AFF2: variants seen among roughly 807,000 people sequenced by gnomAD.
AFF2 encodes the protein AF4/FMR2 family member 2.
AFF2 carries 14 observed loss-of-function variants against 76.9 expected under a neutral mutation model. The ratio of observed to expected loss-of-function variants is 0.18; its 90% CI spans 0.12 to 0.28. The LOEUF (loss-of-function observed/expected upper bound fraction) is 0.28. Ranked by LOEUF, AFF2 falls within the 10% of genes least tolerant of loss-of-function variation. AFF2 has a pLI of 1.00. For missense variants in AFF2, 868 were observed against 1,001.1 expected, an observed-to-expected ratio of 0.87 and a Z score of 1.79; for synonymous variants, 398 against 366.7, an observed-to-expected ratio of 1.09 and a Z score of -0.98.
intron 1 of AFF2, among the ~76,000 whole-genome samples, chrX:148,604,157 T>C (rs1557248490): frequency 1.8e-5 from 2 of 111,916 alleles, no homozygotes; most frequent in African/African-American, 6.5e-5. Flanking sequence ...ACTTTGCAAT[T>C]GTTTCTTGGA....
intron 9 of AFF2, among the ~76,000 whole-genome samples, chrX:148,908,558 G>A (rs1343381920): frequency 9.0e-5 from 10 of 111,688 alleles, no homozygotes; most frequent in African/African-American, 2.9e-4. Context: ...CTTTCTAGCT[G>A]TTCTTTTTCT....
intron 3 of AFF2, among the ~76,000 whole-genome samples, chrX:148,724,066 T>A (rs1414810636): frequency 2.7e-5 from 3 of 109,558 alleles, no homozygotes; most frequent in African/African-American, 1.0e-4. Context: ...GGTTGGCCAC[T>A]TCTTCCCATC....
chrX:148,503,388 G>A (rs2052374414), intron 1 of AFF2, among the ~76,000 whole-genome samples: 1 of 111,680 alleles, frequency 9.0e-6, no homozygotes, highest in South Asian at 3.8e-4. Flanking sequence ...CCATTCCTTG[G>A]GAGTAAATAG....
At chrX:148,594,265 T>G (rs2124377026) in intron 1 of AFF2, among the ~76,000 whole-genome samples, 1 of 111,638 alleles carries the variant, frequency 9.0e-6, no homozygotes, top group Non-Finnish European at 1.9e-5. Flanking sequence ...GGGTCTGGAA[T>G]CAATTCAGAA....
At chrX:148,638,721 G>A (rs782406525) in intron 1 of AFF2, among the ~76,000 whole-genome samples, 63 of 110,750 alleles carry the variant, frequency 5.7e-4, no homozygotes, top group Non-Finnish European at 9.5e-4. Context: ...GAGAGGGGAG[G>A]TGCCACACAC....
chrX:148,740,119 A>G (rs1406400805), intron 3 of AFF2, among the ~76,000 whole-genome samples: 3 of 111,663 alleles, frequency 2.7e-5, no homozygotes, highest in South Asian at 7.5e-4. Flanking sequence ...CCCAATGACA[A>G]TGTGCCTAGG....
At chrX:148,754,113 A>G (rs1427764172) in intron 3 of AFF2, among the ~76,000 whole-genome samples, 1 of 111,726 alleles carries the variant, frequency 9.0e-6, no homozygotes, top group African/African-American at 3.3e-5. Flanking sequence ...TAAGATTCCA[A>G]ATCACTGAAC....
chrX:148,693,646 C>T (rs1557260978), intron 3 of AFF2, among the ~76,000 whole-genome samples: 1 of 111,706 alleles, frequency 9.0e-6, no homozygotes, highest in Non-Finnish European at 1.9e-5. Context: ...CTGTTTCTGG[C>T]TCTGGCCTCC....
chrX:148,635,678 A>G (rs782063271), intron 1 of AFF2, among the ~76,000 whole-genome samples: 35 of 111,495 alleles, frequency 3.1e-4, no homozygotes, highest in Non-Finnish European at 4.9e-4. Flanking sequence ...GCCTGGATGA[A>G]AGGTGCAAGG....
chrX:148,850,170 G>A (rs1481933716), intron 7 of AFF2, among the ~76,000 whole-genome samples: 1 of 111,195 alleles, frequency 9.0e-6, no homozygotes, highest in Non-Finnish European at 1.9e-5. Flanking sequence ...ATTCATATAA[G>A]ATTGATTTTG....
chrX:148,717,564 G>A (rs1005213413), intron 3 of AFF2, among the ~76,000 whole-genome samples: 1 of 111,979 alleles, frequency 8.9e-6, no homozygotes, highest in Non-Finnish European at 1.9e-5. Context: ...TTTATGTCTT[G>A]TAGTTTTACC....
chrX:148,689,449 T>G (rs2054629792), intron 3 of AFF2, among the ~76,000 whole-genome samples: 1 of 110,409 alleles, frequency 9.1e-6, no homozygotes, highest in African/African-American at 3.3e-5. Context: ...AATAGAAATG[T>G]TTGGAGTGGG....
intron 7 of AFF2, among the ~76,000 whole-genome samples, chrX:148,844,892 A>G (rs782292901): frequency 2.7e-5 from 3 of 112,013 alleles, no homozygotes; most frequent in Non-Finnish European, 5.6e-5. Flanking sequence ...AGAAAAAACA[A>G]GAGAAGGGGA....
intron 1 of AFF2, among the ~76,000 whole-genome samples, chrX:148,642,686 C>T (rs2054102145): frequency 8.9e-6 from 1 of 111,881 alleles, no homozygotes; most frequent in Non-Finnish European, 1.9e-5. Context: ...GAGCAGAGGG[C>T]CAAGCTAAGC....
intron 1 of AFF2, among the ~76,000 whole-genome samples, chrX:148,581,309 CGTAT>C (rs1569551634): frequency 1.7e-5 from 1 of 60,306 alleles, no homozygotes; most frequent in African/African-American, 5.5e-5. Flanking sequence ...CACACATATA[CGTAT>C]ACGTGTACAC....
intron 4 of AFF2, among the ~76,000 whole-genome samples, chrX:148,818,446 A>G (rs1264976047): frequency 8.9e-6 from 1 of 112,089 alleles, no homozygotes; most frequent in South Asian, 3.7e-4. Context: ...AAAAAGGCAT[A>G]CAATTCCTGA....
chrX:148,683,669 T>C (rs1557260118), intron 3 of AFF2, among the ~76,000 whole-genome samples: 1 of 111,877 alleles, frequency 8.9e-6, no homozygotes, highest in African/African-American at 3.2e-5. Flanking sequence ...ATTGATAAGT[T>C]GTAACTGCAG....
chrX:148,897,381 T>C (rs1202861874), intron 8 of AFF2, among the ~76,000 whole-genome samples: 1 of 98,712 alleles, frequency 1.0e-5, no homozygotes, highest in Non-Finnish European at 2.0e-5. Context: ...TGTGTGTGTA[T>C]TAAAATATAG....
At chrX:148,531,890 G>T (rs1225021188) in intron 1 of AFF2, among the ~76,000 whole-genome samples, 2 of 74,889 alleles carry the variant, frequency 2.7e-5, no homozygotes, top group Non-Finnish European at 4.8e-5. Flanking sequence ...ATTGATAGAA[G>T]ATTAATTATC....
Sources: allele counts gnomAD v4.1 joint callset (sites outside exome capture counted in the v4.1 genomes callset), GRCh38; gene constraint gnomAD v4.1.1; transcripts MANE v1.5; gene names NCBI Gene and HGNC (gene_info 2026-07-23, HGNC 2026-07-21).